The following SH3RF1 variants were observed in gnomAD, a reference collection of about 807,000 sequenced individuals.
SH3RF1 encodes the protein E3 ubiquitin-protein ligase SH3RF1.
Under a neutral mutation model 74.0 loss-of-function variants are expected in SH3RF1, and 32 were observed. That is an observed-to-expected ratio of 0.43 (90% CI 0.33 to 0.58). The LOEUF (loss-of-function observed/expected upper bound fraction) is 0.58, where lower values mean the gene tolerates loss of function less well. Among genes scored for constraint, SH3RF1 ranks in the 20% least tolerant of loss-of-function variants. SH3RF1 has a pLI of 0.05. For missense variants in SH3RF1, 954 were observed against 1,130.9 expected (o/e 0.84, Z 2.24); for synonymous variants, 396 against 439.6 (o/e 0.90, Z 1.24).
chr4:169,216,670 C>T (rs1464955175), intron 2 of SH3RF1, among the ~76,000 whole-genome samples: 1 of 152,116 alleles, frequency 6.6e-6, no homozygotes, highest in African/African-American at 2.4e-5. Flanking sequence ...GTGAGACCCC[C>T]ATCTCACTCA....
At chr4:169,134,003 T>G (rs1455759760) in intron 5 of SH3RF1, among the ~76,000 whole-genome samples, 2 of 152,184 alleles carry the variant, frequency 1.3e-5, no homozygotes, top group Non-Finnish European at 2.9e-5. Flanking sequence ...GAAGAGTTTT[T>G]GCACGTCACA....
intron 2 of SH3RF1, among the ~76,000 whole-genome samples, chr4:169,191,298 CAAA>C (rs35344441): frequency 8.8e-6 from 1 of 113,260 alleles, no homozygotes. Context: ...ACAATAGCTG[CAAA>C]AAAAAAAAAA....
chr4:169,167,002 G>T, intron 2 of SH3RF1: 1 of 215,272 alleles, frequency 4.6e-6, no homozygotes, highest in Non-Finnish European at 9.1e-6. Flanking sequence ...AGGTTGATCA[G>T]AAAGCTGTGG....
intron 2 of SH3RF1, among the ~76,000 whole-genome samples, chr4:169,185,624 G>A (rs1561047412): frequency 6.6e-6 from 1 of 152,142 alleles, no homozygotes; most frequent in Non-Finnish European, 1.5e-5. Flanking sequence ...GTAGTTTCAG[G>A]TTGGGAGTGG....
chr4:169,231,338 C>G (rs1331284591), intron 2 of SH3RF1, among the ~76,000 whole-genome samples: 1 of 152,142 alleles, frequency 6.6e-6, no homozygotes, highest in Non-Finnish European at 1.5e-5. Context: ...GGGGCCAAGG[C>G]AGGCAGATCA....
intron 2 of SH3RF1, among the ~76,000 whole-genome samples, chr4:169,252,632 T>G (rs1391931724): frequency 1.3e-5 from 2 of 152,242 alleles, no homozygotes; most frequent in Non-Finnish European, 2.9e-5. Context: ...TCAATCTATC[T>G]TTAACCAACC....
chr4:169,163,380 C>A (rs983190314), intron 2 of SH3RF1, among the ~76,000 whole-genome samples: 1 of 152,144 alleles, frequency 6.6e-6, no homozygotes, highest in African/African-American at 2.4e-5. Flanking sequence ...ATTTTCCTCT[C>A]CTACAAGTAC....
intron 2 of SH3RF1, among the ~76,000 whole-genome samples, chr4:169,178,356 A>AAAAAAATAAACAACTATGCTTATTTC (rs1734456986): frequency 8.0e-6 from 1 of 125,350 alleles, no homozygotes; most frequent in South Asian, 2.8e-4. Flanking sequence ...ATGCTTATTT[A>AAAAAAATAAACAACTATGCTTATTTC]AAAAAATAAG....
At chr4:169,211,884 T>C (rs1730379832) in intron 2 of SH3RF1, among the ~76,000 whole-genome samples, 1 of 152,146 alleles carries the variant, frequency 6.6e-6, no homozygotes. Context: ...GAGGGGGCTT[T>C]TCAATGTAAT....
intron 1 of SH3RF1, chr4:169,270,101 T>C (rs753179649): frequency 7.2e-5 from 11 of 152,286 alleles, no homozygotes; most frequent in Admixed American, 2.6e-4. Flanking sequence ...AGCCACTTAC[T>C]GCGCCGCTCT....
intron 2 of SH3RF1, among the ~76,000 whole-genome samples, chr4:169,195,337 T>C (rs1734791968): frequency 6.6e-6 from 1 of 152,232 alleles, no homozygotes; most frequent in African/African-American, 2.4e-5. Context: ...CCCCCCACTC[T>C]GGTTGCTTTC....
At chr4:169,159,379 G>C (rs1579112447) in intron 2 of SH3RF1, among the ~76,000 whole-genome samples, 1 of 152,214 alleles carries the variant, frequency 6.6e-6, no homozygotes, top group Non-Finnish European at 1.5e-5. Context: ...AATCGACAGA[G>C]AGAGAGAGAT....
At chr4:169,122,860 G>A (rs1296135077) in intron 6 of SH3RF1, among the ~76,000 whole-genome samples, 1 of 152,108 alleles carries the variant, frequency 6.6e-6, no homozygotes, top group Non-Finnish European at 1.5e-5. Context: ...GTACTATCGA[G>A]GCTGGTAATC....
chr4:169,121,833 A>G (rs1733439390), intron 7 of SH3RF1, among the ~76,000 whole-genome samples: 1 of 152,202 alleles, frequency 6.6e-6, no homozygotes, highest in Non-Finnish European at 1.5e-5. Context: ...AGAAATGAAA[A>G]TAAAGATAAA....
At chr4:169,255,480 T>G (rs1347230750) in intron 2 of SH3RF1, among the ~76,000 whole-genome samples, 3 of 151,964 alleles carry the variant, frequency 2.0e-5, no homozygotes, top group Non-Finnish European at 2.9e-5. Flanking sequence ...AATAACTACT[T>G]AAGCCACATA....
rs530837092 is a variant in SH3RF1 at position 169,189,562 on chromosome 4, G to T, written c.394-32883C>A. ...CTCTACAGATCTTTCAAATCATAAA[G>T]TTTCTGTTGCCACGGCTATCAGTGC... On this transcript the variant is annotated intron_variant, in intron 2 of 11. Coordinates refer to ENST00000284637, the MANE Select transcript of SH3RF1 (RefSeq NM_020870.4). 2.0e-5 allele frequency among the ~76,000 whole-genome samples: 3 copies of T among 152,312 alleles called. No homozygotes were observed. The South Asian group carries it at 6.2e-4, about 32-fold the overall frequency.
chr4:169,106,191 C>T (rs1036820504), intron 11 of SH3RF1, among the ~76,000 whole-genome samples: 2 of 151,942 alleles, frequency 1.3e-5, no homozygotes, highest in African/African-American at 4.8e-5. Flanking sequence ...CCACTCACTG[C>T]AACCTCTGCC....
chr4:169,181,300 T>C (rs1734506245), intron 2 of SH3RF1, among the ~76,000 whole-genome samples: 1 of 147,960 alleles, frequency 6.8e-6, no homozygotes, highest in Admixed American at 6.8e-5. Flanking sequence ...TCTTGCTCTG[T>C]TGCCCAGGCT....
Position 169,095,338 on chromosome 4 carries a change from G to A in SH3RF1, c.*1181C>T, listed in dbSNP as rs1561021964. ...CTTGGTCAGTAGTGGCTTTGGGGTA[G>A]AGAAGAGAACACTGTTTATTTTTAC... On this transcript the variant is annotated 3_prime_UTR_variant, in exon 12 of 12. Transcript: ENST00000284637. 6.6e-6 allele frequency: 1 copy of A among 152,646 alleles called. No homozygotes were observed. Among genetic ancestry groups the A allele is most frequent in the East Asian group, 1.9e-4 (1 of 5,198 alleles). 9.5% of individuals were successfully genotyped at this position (152,646 alleles called of 1,614,324 possible).
Sources: gnomAD v4.1 joint callset for allele counts (sites outside exome capture counted in the v4.1 genomes callset) on GRCh38, gnomAD v4.1.1 for gene constraint, MANE v1.5 for transcripts, NCBI Gene and HGNC (gene_info 2026-07-23, HGNC 2026-07-21) for gene names.